TMEM35A: variants seen among roughly 807,000 people sequenced by gnomAD.
TMEM35A encodes nicotinic acetylcholine receptor chaperone.
For synonymous variants in TMEM35A, 50 were observed against 54.7 expected, an observed-to-expected ratio of 0.91 and a Z score of 0.38; for missense variants, 83 against 132.7, an observed-to-expected ratio of 0.63 and a Z score of 1.84.
intron 1 of TMEM35A, among the ~76,000 whole-genome samples, chrX:101,084,453 T>TC (rs2089301030): frequency 9.1e-6 from 1 of 109,624 alleles, no homozygotes; most frequent in Admixed American, 9.9e-5. Flanking sequence ...TTCATATAGT[T>TC]TTTTTTCCTT....
At chrX:101,092,164 T>A (rs1177621847) in intron 1 of TMEM35A, among the ~76,000 whole-genome samples, 1 of 109,544 alleles carries the variant, frequency 9.1e-6, no homozygotes, top group Non-Finnish European at 1.9e-5. Flanking sequence ...TTAATAAATA[T>A]TGAACTCAGA....
chrX:101,083,138 C>CAA (rs775705925), intron 1 of TMEM35A, among the ~76,000 whole-genome samples: 1 of 111,789 alleles, frequency 8.9e-6, no homozygotes, highest in East Asian at 2.8e-4. Flanking sequence ...CCAGATTTAG[C>CAA]AAGTATCATT....
intron 1 of TMEM35A, among the ~76,000 whole-genome samples, chrX:101,093,793 C>T (rs2089330979): frequency 1.8e-5 from 2 of 111,433 alleles, no homozygotes; most frequent in Non-Finnish European, 3.8e-5. Context: ...GTTCTGTAGG[C>T]TGAGAAGTCC....
intron 1 of TMEM35A, among the ~76,000 whole-genome samples, chrX:101,093,013 G>A (rs2089328520): frequency 8.9e-6 from 1 of 112,232 alleles, no homozygotes; most frequent in Non-Finnish European, 1.9e-5. Context: ...GCTGACATTT[G>A]CATACATTTT....
At chrX:101,081,650 C>G (rs2089292259) in intron 1 of TMEM35A, 1 of 111,600 alleles carries the variant, frequency 9.0e-6, no homozygotes, top group Non-Finnish European at 1.9e-5. Context: ...TTTTTGTTTT[C>G]CATTAAGGAG....
chrX:101,087,615 GT>G (rs1403052741), intron 1 of TMEM35A, among the ~76,000 whole-genome samples: 1 of 111,760 alleles, frequency 8.9e-6, no homozygotes, highest in East Asian at 2.8e-4. Flanking sequence ...AAAACATGGA[GT>G]TTGGCCCCGG....
At chrX:101,088,601 C>T (rs746993001) in intron 1 of TMEM35A, among the ~76,000 whole-genome samples, 8 of 109,778 alleles carry the variant, frequency 7.3e-5, no homozygotes, top group African/African-American at 1.7e-4. Flanking sequence ...TGGGTGACAG[C>T]GAGACCCTCA....
intron 1 of TMEM35A, among the ~76,000 whole-genome samples, chrX:101,084,450 A>G (rs2089300954): frequency 1.5e-3 from 1 of 662 alleles, no homozygotes; most frequent in Non-Finnish European, 2.1e-3. Context: ...GCTTTCATAT[A>G]GTTTTTTTTC....
intron 1 of TMEM35A, among the ~76,000 whole-genome samples, chrX:101,080,336 C>A (rs2089288447): frequency 8.9e-6 from 1 of 111,816 alleles, no homozygotes; most frequent in African/African-American, 3.2e-5. Flanking sequence ...TGGAGACTGG[C>A]AAATTATATT....
At position 101,094,950 on chromosome X, in the gene TMEM35A, G is replaced by T; in HGVS notation, c.498G>T (p.Val166=). ...AGGCCCCTCAGGGCAAAGTGAAGGTGTCATAGAAAAGTGGAAGTGCAAAGA... is the reference window on the plus strand; with the variant it reads ...AGGCCCCTCAGGGCAAAGTGAAGGTTTCATAGAAAAGTGGAAGTGCAAAGA... ...YEKAPQGKVK[V]S is the part of the protein sequence containing the mutation. Residue 166 remains valine (V), a synonymous_variant, in exon 2 of 2, where the codon GTG becomes GTT. Transcript: ENST00000372930. 8.5e-7 allele frequency: 1 copy of T among 1,177,363 alleles called. No homozygotes were observed.
chrX:101,087,071 C>T (rs1236387614), intron 1 of TMEM35A, among the ~76,000 whole-genome samples: 1 of 108,921 alleles, frequency 9.2e-6, no homozygotes, highest in Non-Finnish European at 1.9e-5. Flanking sequence ...ATTCTCCTGC[C>T]TCAGCCTCCC....
chrX:101,094,884 T>C lies in TMEM35A; in HGVS notation c.432T>C (p.Pro144=). ...KPEDRSSEKK[P]LPGNAEEQPS... is the part of the protein sequence containing the mutation. ...AAGACCGGTCTTCTGAGAAGAAGCC[T>C]TTGCCAGGGAATGCTGAGGAGCAAC... The change falls in exon 2 of 2, where the codon CCT becomes CCC. Residue 144 remains proline (P), a synonymous_variant. Coordinates refer to ENST00000372930, the MANE Select transcript of TMEM35A (RefSeq NM_021637.3). 8.3e-7 allele frequency: 1 copy of C among 1,209,554 alleles called. No individual in the cohort carries two copies.
At chrX:101,086,952 C>CTTTTTTTTTT (rs144682101) in intron 1 of TMEM35A, among the ~76,000 whole-genome samples, 1 of 72,700 alleles carries the variant, frequency 1.4e-5, no homozygotes. Flanking sequence ...TAATAGGATT[C>CTTTTTTTTTT]TTTTTTTTTT....
intron 1 of TMEM35A, among the ~76,000 whole-genome samples, chrX:101,094,189 C>T (rs982580216): frequency 1.8e-5 from 2 of 109,954 alleles, no homozygotes; most frequent in East Asian, 2.9e-4. Flanking sequence ...AATCTCAGCT[C>T]GCTGCAATCT....
chrX:101,090,880 A>G (rs1286297751), intron 1 of TMEM35A, among the ~76,000 whole-genome samples: 2 of 102,029 alleles, frequency 2.0e-5, no homozygotes, highest in East Asian at 3.0e-4. Context: ...TCTGTTGCCC[A>G]GGCTGGAGTG....
chrX:101,089,867 T>C lies in TMEM35A; in HGVS notation c.121-4706T>C, dbSNP rs2089318338. ...ACCATTAGTCTTTTAAGAGTCCTCATAGGCGATTATCTTGGGCCACTCATG... is the reference window on the plus strand; with the variant it reads ...ACCATTAGTCTTTTAAGAGTCCTCACAGGCGATTATCTTGGGCCACTCATG... On this transcript the variant is annotated intron_variant, in intron 1 of 1. Transcript: ENST00000372930. 2.7e-5 allele frequency among the ~76,000 whole-genome samples: 3 copies of C among 111,437 alleles called. No homozygotes were observed. In the South Asian group the frequency reaches 1.1e-3, roughly 42 times the overall value.
Position 101,079,170 on chromosome X carries a change from G to A in TMEM35A, c.120+48G>A, listed in dbSNP as rs367723343. 3 of 1,194,958 alleles carry A rather than the reference G, an allele frequency of 2.5e-6. No individual in the cohort carries two copies. The South Asian group carries it at 5.4e-5, about 22-fold the overall frequency. On this transcript the variant is annotated intron_variant, in intron 1 of 1. Coordinates refer to ENST00000372930, the MANE Select transcript of TMEM35A (RefSeq NM_021637.3). ...GAGGAGCGCACTCCCATGGGATTGC[G>A]AGGACCTCTCCCCTTTTTTCCTTCT...
chrX:101,095,252 G>A lies in TMEM35A; in HGVS notation c.*296G>A. The A allele has an allele frequency of 3.8e-6, 1 of 265,678 alleles. No homozygotes were observed. Among genetic ancestry groups the A allele is most frequent in the Non-Finnish European group, 6.6e-6 (1 of 151,774 alleles). 21.9% of individuals were successfully genotyped at this position (265,678 alleles called of 1,213,427 possible). On this transcript the variant is annotated 3_prime_UTR_variant, in exon 2 of 2. Transcript: ENST00000372930. ...GATGGACTCCAACAAGCATGTGACTGTGAGATTGTGTGTGGGAAAATGTAT... is the reference window on the plus strand; with the variant it reads ...GATGGACTCCAACAAGCATGTGACTATGAGATTGTGTGTGGGAAAATGTAT...
At chrX:101,082,730 T>A (rs1407222254) in intron 1 of TMEM35A, among the ~76,000 whole-genome samples, 1 of 110,362 alleles carries the variant, frequency 9.1e-6, no homozygotes, top group Non-Finnish European at 1.9e-5. Flanking sequence ...CTGCAACCTC[T>A]GCCTCCCGGG....
Sources: allele counts gnomAD v4.1 joint callset (sites outside exome capture counted in the v4.1 genomes callset), GRCh38; gene constraint gnomAD v4.1.1; transcripts MANE v1.5; gene names NCBI Gene and HGNC (gene_info 2026-07-23, HGNC 2026-07-21).